IMMT: variants seen among roughly 807,000 people sequenced by gnomAD.
The protein encoded by IMMT is MICOS complex subunit MIC60.
Under a neutral mutation model 92.7 loss-of-function variants are expected in IMMT, and 40 were observed. The ratio of observed to expected loss-of-function variants is 0.43; its 90% CI spans 0.34 to 0.56. The LOEUF is 0.56. Among genes scored for constraint, IMMT ranks in the 20% least tolerant of loss-of-function variants. The pLI is 0.03. For synonymous variants in IMMT, 322 were observed against 336.1 expected (o/e 0.96, Z 0.46); for missense variants, 831 against 912.1 (o/e 0.91, Z 1.14).
chr2:86,168,554 T>TG (rs764787614), intron 6 of IMMT, among the ~76,000 whole-genome samples: 2 of 152,110 alleles, frequency 1.3e-5, no homozygotes, highest in Non-Finnish European at 2.9e-5. Context: ...ACCTGGGAGT[T>TG]GGAGGTTGTA....
chr2:86,160,781 A>G (rs1676212676), intron 8 of IMMT, among the ~76,000 whole-genome samples: 1 of 152,188 alleles, frequency 6.6e-6, no homozygotes, highest in Non-Finnish European at 1.5e-5. Flanking sequence ...TTACATACCC[A>G]CTATTTTGGT....
At chr2:86,147,655 A>G (rs765136743) in intron 13 of IMMT, 47 bp downstream of exon 13, 2 of 1,575,096 alleles carry the variant, frequency 1.3e-6, no homozygotes, top group African/African-American at 2.7e-5. Flanking sequence ...GAGTCTCTTA[A>G]TCCTGTCAGG....
intron 12 of IMMT, among the ~76,000 whole-genome samples, chr2:86,149,721 T>C (rs1675319407): frequency 6.6e-6 from 1 of 151,946 alleles, no homozygotes; most frequent in African/African-American, 2.4e-5. Flanking sequence ...CTACTAAAAA[T>C]ACAAAAATTA....
At chr2:86,182,276 A>G (rs1418115265) in intron 1 of IMMT, among the ~76,000 whole-genome samples, 1 of 152,214 alleles carries the variant, frequency 6.6e-6, no homozygotes, top group Non-Finnish European at 1.5e-5. Flanking sequence ...AACAAGAGGA[A>G]AAATGCTTTT....
intron 3 of IMMT, among the ~76,000 whole-genome samples, chr2:86,177,332 G>A (rs1404516453): frequency 6.6e-6 from 1 of 151,854 alleles, no homozygotes; most frequent in Admixed American, 6.6e-5. Flanking sequence ...GCTGGGCGCA[G>A]TGGCTCACGC....
At chr2:86,185,509 A>G (rs971886839) in intron 1 of IMMT, among the ~76,000 whole-genome samples, 6 of 152,192 alleles carry the variant, frequency 3.9e-5, no homozygotes, top group Non-Finnish European at 7.3e-5. Flanking sequence ...GCCCTCTAAG[A>G]ATCATAAGGA....
chr2:86,178,564 TGCAGTGA>T (rs1677608018), intron 3 of IMMT, among the ~76,000 whole-genome samples: 1 of 150,772 alleles, frequency 6.6e-6, no homozygotes. Context: ...AGGCGGAAGT[TGCAGTGA>T]GCCGAGATCA....
intron 12 of IMMT, among the ~76,000 whole-genome samples, 191 bp downstream of exon 12, chr2:86,151,106 G>A (rs1454910150): frequency 5.9e-5 from 9 of 151,940 alleles, no homozygotes; most frequent in Non-Finnish European, 1.3e-4. Context: ...TAGAAGAGAC[G>A]GGGGTTTCGC....
chr2:86,184,684 T>A (rs1310265346), intron 1 of IMMT, among the ~76,000 whole-genome samples: 2 of 149,990 alleles, frequency 1.3e-5, no homozygotes, highest in Non-Finnish European at 3.0e-5. Flanking sequence ...GAAGAGACTG[T>A]GAGCAGAAGC....
chr2:86,183,897 C>T (rs549344787), intron 1 of IMMT, among the ~76,000 whole-genome samples: 1 of 152,154 alleles, frequency 6.6e-6, no homozygotes, highest in Non-Finnish European at 1.5e-5. Context: ...TAATTGTTAA[C>T]CAGCCCCTAT....
chr2:86,146,176 CAG>C lies in IMMT; in HGVS notation c.1553_1554del (p.Ser518Ter), dbSNP rs1368141584. On this transcript the variant is annotated frameshift_variant, in exon 14 of 15. Coordinates refer to ENST00000410111, the MANE Select transcript of IMMT (RefSeq NM_006839.3). LOFTEE classifies it high-confidence loss of function. Reference sequence around the variant, plus strand: ...AGACGACGAAATTGTAATTCTTGTTCAGAGAGTTTCTCAGACAGGTTCTGAAA... The same window carrying C: ...AGACGACGAAATTGTAATTCTTGTTCAGAGTTTCTCAGACAGGTTCTGAAA... The part of the protein sequence containing the change: ...EFEQNLSEKL[S>X]EQELQFRRLS... 1.9e-6 allele frequency: 3 copies of C among 1,608,184 alleles called. No individual in the cohort carries two copies. The highest frequency in any genetic ancestry group is 1.7e-5 in the Admixed American group (1 of 59,716).
chr2:86,152,031 G>A (rs969985383), intron 11 of IMMT, among the ~76,000 whole-genome samples: 1 of 152,120 alleles, frequency 6.6e-6, no homozygotes, highest in South Asian at 2.1e-4. Context: ...CTGTCCATCA[G>A]AATCACTGCA....
At chr2:86,194,258 G>A (rs1289479291) in intron 1 of IMMT, among the ~76,000 whole-genome samples, 1 of 152,216 alleles carries the variant, frequency 6.6e-6, no homozygotes, top group East Asian at 1.9e-4. Context: ...ACCTGGAGCG[G>A]AGAACACAGA....
At chr2:86,173,042 C>T (rs1005699567) in intron 4 of IMMT, among the ~76,000 whole-genome samples, 21 of 152,148 alleles carry the variant, frequency 1.4e-4, no homozygotes, top group Non-Finnish European at 2.9e-4. Flanking sequence ...CCAGTACTTA[C>T]AAGAATGTCT....
chr2:86,148,104 G>A (rs539650211), intron 12 of IMMT, among the ~76,000 whole-genome samples: 1 of 152,276 alleles, frequency 6.6e-6, no homozygotes, highest in African/African-American at 2.4e-5. Context: ...CACATCACCA[G>A]GCTGCCTCTC....
chr2:86,188,835 CT>C (rs1225675770), intron 1 of IMMT, among the ~76,000 whole-genome samples: 1 of 152,090 alleles, frequency 6.6e-6, no homozygotes, highest in African/African-American at 2.4e-5. Context: ...TCCAAAATAT[CT>C]AGTATCCATT....
chr2:86,154,843 G>C (rs775915592), intron 10 of IMMT, among the ~76,000 whole-genome samples: 3 of 152,106 alleles, frequency 2.0e-5, no homozygotes, highest in Non-Finnish European at 4.4e-5. Context: ...CTCTCAGGAT[G>C]AGCTGCTGAA....
In IMMT at chr2:86,170,826, G is replaced by C. The variant is rs368537238; in HGVS notation, c.578C>G (p.Ser193Cys). 4.6e-5 allele frequency: 73 copies of C among 1,582,832 alleles called. No homozygotes were observed. Among genetic ancestry groups the C allele is most frequent in the Middle Eastern group, 3.3e-4 (2 of 6,032 alleles). The change falls in exon 6 of 15, where the codon TCT becomes TGT. Residue 193 changes from serine to cysteine, a missense_variant. Physicochemically the swap from Ser to Cys is moderately radical, Grantham distance 112. Transcript: ENST00000410111. The part of the protein sequence containing the change: ...PALSEEASSS[S>C]IRERPPEEVA... ...TTCTTCAGGTGGTCGCTCCCTTATA[G>C]AAGATGAGGATGCTTCTTCTTGCAG...
At chr2:86,163,948 G>C (rs1676466436) in intron 7 of IMMT, among the ~76,000 whole-genome samples, 1 of 46,352 alleles carries the variant, frequency 2.2e-5, no homozygotes, top group Non-Finnish European at 6.0e-5. Context: ...AACAAAGCAA[G>C]ACTCCATCTC....
Sources: allele counts gnomAD v4.1 joint callset (sites outside exome capture counted in the v4.1 genomes callset), GRCh38; gene constraint gnomAD v4.1.1; transcripts MANE v1.5; gene names NCBI Gene and HGNC (gene_info 2026-07-23, HGNC 2026-07-21).